Variants in ZNF320 observed in about 807,000 individuals in gnomAD.
ZNF320 encodes the protein zinc finger gene 320.
Under a neutral mutation model 6.8 loss-of-function variants are expected in ZNF320, and 2 were observed. That is an observed-to-expected ratio of 0.29 (90% CI 0.12 to 0.93). ZNF320 has a LOEUF of 0.93. ZNF320 is among the 40% of genes least tolerant of loss of function. ZNF320 has a pLI of 0.55. For synonymous variants in ZNF320, 208 were observed against 203.2 expected (o/e 1.02, Z -0.20); for missense variants, 472 against 611.0 (o/e 0.77, Z 2.40).
chr19:52,880,822 T>A lies in ZNF320; in HGVS notation c.1304A>T (p.His435Leu). 1 of 1,613,972 alleles carries A rather than the reference T, an allele frequency of 6.2e-7. No individual in the cohort carries two copies. Among genetic ancestry groups the A allele is most frequent in the Non-Finnish European group, 8.5e-7 (1 of 1,179,828 alleles). ...ACACTTGTGAGGTTTCTCTCCTGTATGAATCCTCCTATGTCTTTCAAGGTG... is the reference window on the plus strand; with the variant it reads ...ACACTTGTGAGGTTTCTCTCCTGTAAGAATCCTCCTATGTCTTTCAAGGTG... ...KSHLERHRRIHTGEKPHKCGD... is the reference protein window; with the variant it reads ...KSHLERHRRILTGEKPHKCGD... Residue 435 changes from histidine to leucine, a missense_variant, in exon 6 of 6, where the codon CAT becomes CTT. Around this residue, in one of 2 missense-constraint regions of ZNF320, gnomAD observed 462 missense variants for 559.7 expected, o/e 0.83. Transcript: ENST00000682928.
chr19:52,893,775 T>A lies in ZNF320; in HGVS notation c.-192+4A>T, dbSNP rs1038792992. The A allele has an allele frequency of 6.6e-6, 1 of 152,068 alleles. No homozygotes were observed. The highest frequency in any genetic ancestry group is 1.5e-5 in the Non-Finnish European group (1 of 68,044). 9.4% of individuals were successfully genotyped at this position (152,068 alleles called of 1,614,324 possible). On this transcript the variant is annotated splice_donor_region_variant and intron_variant, in intron 2 of 5. Coordinates refer to ENST00000682928, the MANE Select transcript of ZNF320 (RefSeq NM_001351774.2). ...CTGGAGAGGACACAACCAAAGCTAC[T>A]CACCAGGCTGAGGTGGGAGAATTGC...
At chr19:52,870,582 C>T (rs2063663385) in intron 5 of ZNF320, among the ~76,000 whole-genome samples, 1 of 151,558 alleles carries the variant, frequency 6.6e-6, no homozygotes, top group Non-Finnish European at 1.5e-5. Context: ...TAGGTTTATC[C>T]ATCCATGTAT....
intron 5 of ZNF320, among the ~76,000 whole-genome samples, chr19:52,883,455 C>T (rs1003448051): frequency 6.6e-6 from 1 of 152,160 alleles, no homozygotes; most frequent in Non-Finnish European, 1.5e-5. Context: ...TCAATTTATA[C>T]TGCCTGCAGA....
At chr19:52,885,435 G>C (rs1008735165) in intron 5 of ZNF320, among the ~76,000 whole-genome samples, 6 of 151,888 alleles carry the variant, frequency 4.0e-5, no homozygotes, top group Non-Finnish European at 5.9e-5. Flanking sequence ...TACAAAATTA[G>C]GCCAGGCGTG....
intron 5 of ZNF320, chr19:52,865,434 T>TTATTTATATATATATATATATATA (rs1555814107): frequency 2.0e-5 from 3 of 152,784 alleles, no homozygotes; most frequent in Admixed American, 7.5e-5. Flanking sequence ...GGTCCAGGCT[T>TTATTTATATATATATATATATATA]TATATATATA....
At position 52,881,216 on chromosome 19, in the gene ZNF320, T is replaced by A. The variant is rs1335074193; in HGVS notation, c.910A>T (p.Asn304Tyr). The change falls in exon 6 of 6, where the codon AAT (asparagine) becomes TAT (tyrosine). Residue 304 changes from asparagine (N) to tyrosine (Y), a missense_variant. Around this residue, in one of 2 missense-constraint regions of ZNF320, gnomAD observed 462 missense variants for 559.7 expected, o/e 0.83. Transcript: ENST00000682928. ...TGCTTAAAAACCTTGCCACATTCAT[T>A]ACACTTATAGGGTTTCTCTGCAGTA... ...VHTAEKPYKC[N>Y]ECGKVFKQRA... 1.2e-6 allele frequency: 2 copies of A among 1,614,196 alleles called. No individual in the cohort carries two copies. The highest frequency in any genetic ancestry group is 1.7e-6 in the Non-Finnish European group (2 of 1,180,036).
chr19:52,870,517 C>A (rs1039571901), intron 5 of ZNF320, among the ~76,000 whole-genome samples: 68 of 145,792 alleles, frequency 4.7e-4, no homozygotes, highest in African/African-American at 1.7e-3. Flanking sequence ...AAGATCATTA[C>A]AATTATTATA....
At chr19:52,891,673 C>T (rs567958619) in intron 2 of ZNF320, among the ~76,000 whole-genome samples, 2 of 152,340 alleles carry the variant, frequency 1.3e-5, no homozygotes, top group East Asian at 3.9e-4. Context: ...GGGCCCTGGA[C>T]ACAGGGCTGT....
chr19:52,880,902 A>G lies in ZNF320; in HGVS notation c.1224T>C (p.Thr408=). ...AYLACHQKLH[T]GEKLYECEEC... ...CTTCACATTCGTAAAGTTTCTCTCC[A>G]GTATGAAGTTTTTGATGACATGCGA... is the stretch of plus-strand genomic sequence containing the variant. Residue 408 remains threonine, a synonymous_variant, in exon 6 of 6, where the codon ACT becomes ACC. Coordinates refer to ENST00000682928, the MANE Select transcript of ZNF320 (RefSeq NM_001351774.2). 1 of 1,613,402 alleles carries G rather than the reference A, an allele frequency of 6.2e-7. No individual in the cohort carries two copies. Among genetic ancestry groups the G allele is most frequent in the Non-Finnish European group, 8.5e-7 (1 of 1,179,454 alleles).
intron 5 of ZNF320, among the ~76,000 whole-genome samples, chr19:52,886,184 G>A (rs1230767479): frequency 6.6e-6 from 1 of 151,780 alleles, no homozygotes; most frequent in Non-Finnish European, 1.5e-5. Context: ...TCCCAGGCTG[G>A]AGTGCAATGG....
intron 5 of ZNF320, among the ~76,000 whole-genome samples, chr19:52,870,178 A>G (rs2063654323): frequency 6.6e-6 from 1 of 152,092 alleles, no homozygotes; most frequent in Non-Finnish European, 1.5e-5. Flanking sequence ...ATAGTTGATG[A>G]CAATGAAAAA....
At chr19:52,891,907 C>T (rs542813691) in intron 2 of ZNF320, among the ~76,000 whole-genome samples, 1 of 152,332 alleles carries the variant, frequency 6.6e-6, no homozygotes, top group South Asian at 2.1e-4. Context: ...TTGGTCTTAT[C>T]ACCTCTCTTT....
intron 5 of ZNF320, among the ~76,000 whole-genome samples, chr19:52,869,994 G>A (rs890942301): frequency 3.3e-5 from 5 of 151,712 alleles, no homozygotes; most frequent in Non-Finnish European, 7.4e-5. Context: ...GGGATTACAG[G>A]TGTCAGCCAC....
At chr19:52,861,324 T>C (rs182216098) in exon 6 of ZNF320, among the ~76,000 whole-genome samples, 10 of 152,318 alleles carry the variant, frequency 6.6e-5, no homozygotes, top group Admixed American at 2.0e-4. Flanking sequence ...CGTTTGTACC[T>C]TGAAATCCAC....
chr19:52,882,849 G>A (rs1371360765), intron 5 of ZNF320, among the ~76,000 whole-genome samples: 4 of 151,530 alleles, frequency 2.6e-5, no homozygotes, highest in African/African-American at 9.7e-5. Flanking sequence ...GATGAGGCAG[G>A]AAAATCACTT....
chr19:52,871,682 G>A (rs550242638), downstream of ZNF320, among the ~76,000 whole-genome samples: 11 of 152,246 alleles, frequency 7.2e-5, no homozygotes, highest in Middle Eastern at 3.4e-3. Context: ...ATAGCTGCAG[G>A]TGTTTAAAAC....
At chr19:52,897,228 G>A (rs1208260659) in intron 1 of ZNF320, among the ~76,000 whole-genome samples, 1 of 152,234 alleles carries the variant, frequency 6.6e-6, no homozygotes, top group African/African-American at 2.4e-5. Flanking sequence ...TTCGGACAGG[G>A]GTGGCGTCTG....
rs1280997761 is a variant in ZNF320 at position 52,879,636 on chromosome 19, A to G, written c.*960T>C. 6.6e-6 allele frequency: 1 copy of G among 152,256 alleles called. No homozygotes were observed. The highest frequency in any genetic ancestry group is 1.5e-5 in the Non-Finnish European group (1 of 68,048). 9.4% of individuals were successfully genotyped at this position (152,256 alleles called of 1,614,324 possible). A position where few individuals can be genotyped will look rare whatever the true frequency, so the allele number is the denominator to read the frequency against. On this transcript the variant is annotated 3_prime_UTR_variant, in exon 6 of 6. Coordinates refer to ENST00000682928, the MANE Select transcript of ZNF320 (RefSeq NM_001351774.2). ...AAGAAATCAAACTCATCCAAATCAG[A>G]AAGAAAGAAGTAAAACTATTTCTTT...
At chr19:52,867,174 A>AT (rs1307478899) in intron 5 of ZNF320, among the ~76,000 whole-genome samples, 2 of 151,512 alleles carry the variant, frequency 1.3e-5, no homozygotes, top group South Asian at 2.1e-4. Context: ...GATTTAATTA[A>AT]TTAATTAATT....
Sources: allele counts gnomAD v4.1 joint callset (sites outside exome capture counted in the v4.1 genomes callset), GRCh38; gene constraint gnomAD v4.1.1; regional missense constraint gnomAD v4.1.1; transcripts MANE v1.5; gene names NCBI Gene and HGNC (gene_info 2026-07-23, HGNC 2026-07-21).